OSTN: variants seen among roughly 807,000 people sequenced by gnomAD.
OSTN encodes osteocrin.
Under a neutral mutation model 12.0 loss-of-function variants are expected in OSTN, and 9 were observed. The ratio of observed to expected loss-of-function variants is 0.75; its 90% CI spans 0.45 to 1.30. The LOEUF (loss-of-function observed/expected upper bound fraction) is 1.30. Among genes scored for constraint, OSTN ranks in the 50% most tolerant of loss-of-function variants. OSTN has a pLI of 0.00. For missense variants in OSTN, 148 were observed against 152.3 expected (o/e 0.97, Z 0.15); for synonymous variants, 59 against 56.9 (o/e 1.04, Z -0.16).
chr3:191,245,760 A>G (rs2108549442), intron 3 of OSTN, among the ~76,000 whole-genome samples: 1 of 152,228 alleles, frequency 6.6e-6, no homozygotes. Context: ...TTTTAATCAT[A>G]CGTATCTCGA....
chr3:191,241,513 G>C (rs115699331), intron 3 of OSTN, among the ~76,000 whole-genome samples: 5,727 of 152,116 alleles, frequency 0.038, 353 homozygotes, highest in African/African-American at 0.13. Flanking sequence ...AGGAGGACTA[G>C]CATTTTAGTG....
At chr3:191,209,860 C>T (rs1714373067) in intron 1 of OSTN, among the ~76,000 whole-genome samples, 1 of 152,114 alleles carries the variant, frequency 6.6e-6, no homozygotes, top group Non-Finnish European at 1.5e-5. Context: ...TTGAAGACAT[C>T]CTAGGCCTAA....
chr3:191,249,193 G>A (rs1715504431), intron 3 of OSTN, among the ~76,000 whole-genome samples: 1 of 152,126 alleles, frequency 6.6e-6, no homozygotes, highest in African/African-American at 2.4e-5. Flanking sequence ...TCTCCCTGCT[G>A]TCTCTTTCTT....
At chr3:191,207,106 G>A (rs1232750404) in intron 1 of OSTN, among the ~76,000 whole-genome samples, 4 of 152,160 alleles carry the variant, frequency 2.6e-5, no homozygotes, top group South Asian at 2.1e-4. Flanking sequence ...GCTCTGTCGC[G>A]GTGAGAAGAG....
chr3:191,229,172 CGTTTGAAGAGATTAGAA>C, intron 3 of OSTN, among the ~76,000 whole-genome samples: 1 of 152,090 alleles, frequency 6.6e-6, no homozygotes. Flanking sequence ...TAAATTACAG[CGTTTGAAGAGATTAGAA>C]AGGAGATGGA....
intron 3 of OSTN, among the ~76,000 whole-genome samples, chr3:191,232,689 C>T (rs948387942): frequency 5.4e-5 from 8 of 149,262 alleles, no homozygotes; most frequent in African/African-American, 1.2e-4. Flanking sequence ...CTCCCTCCAC[C>T]TCCCAGTTTC....
At chr3:191,226,608 C>A (rs1052795508) in intron 3 of OSTN, among the ~76,000 whole-genome samples, 49 of 152,070 alleles carry the variant, frequency 3.2e-4, no homozygotes, top group Non-Finnish European at 1.9e-4. Context: ...GCTGGCATAG[C>A]CACAAAAACT....
intron 3 of OSTN, among the ~76,000 whole-genome samples, chr3:191,232,156 T>C (rs1204818380): frequency 6.6e-6 from 1 of 151,022 alleles, no homozygotes; most frequent in Non-Finnish European, 1.5e-5. Context: ...CGTGGTGAAA[T>C]CCCGTCTCTA....
At chr3:191,259,884 CT>C (rs1433547365) in intron 4 of OSTN, among the ~76,000 whole-genome samples, 1 of 135,546 alleles carries the variant, frequency 7.4e-6, no homozygotes, top group African/African-American at 2.8e-5. Context: ...GAGACAGAGT[CT>C]CACTCTGTCA....
intron 1 of OSTN, among the ~76,000 whole-genome samples, chr3:191,206,888 G>A (rs1714288870): frequency 6.6e-6 from 1 of 152,154 alleles, no homozygotes; most frequent in African/African-American, 2.4e-5. Context: ...TAACTTAATG[G>A]AGTGGGTAAA....
At chr3:191,199,338 T>G (rs2108585987) in intron 1 of OSTN, 31 bp downstream of exon 1, 1 of 152,216 alleles carries the variant, frequency 6.6e-6, no homozygotes, top group Non-Finnish European at 1.5e-5. Context: ...GATAAAGATT[T>G]AATGCTTCTT....
chr3:191,242,437 A>G (rs1715342112), intron 3 of OSTN, among the ~76,000 whole-genome samples: 1 of 152,222 alleles, frequency 6.6e-6, no homozygotes, highest in South Asian at 2.1e-4. Context: ...TCAAAGCAGC[A>G]ATAGGATTTC....
intron 4 of OSTN, among the ~76,000 whole-genome samples, chr3:191,260,829 AAGAC>A (rs1715792249): frequency 6.6e-6 from 1 of 152,206 alleles, no homozygotes; most frequent in African/African-American, 2.4e-5. Flanking sequence ...ACAACACAGA[AAGAC>A]AGAGACAAAG....
intron 3 of OSTN, among the ~76,000 whole-genome samples, chr3:191,224,853 T>C (rs1181986551): frequency 6.6e-6 from 1 of 151,656 alleles, no homozygotes; most frequent in Non-Finnish European, 1.5e-5. Flanking sequence ...GAAAAGAAAA[T>C]ATTAGATACA....
chr3:191,239,410 C>CCCTGCCTCTAGACCCTATTTT (rs1168958005), intron 3 of OSTN, among the ~76,000 whole-genome samples: 131 of 152,184 alleles, frequency 8.6e-4, no homozygotes, highest in Non-Finnish European at 1.7e-3. Flanking sequence ...GACTTATGTT[C>CCCTGCCTCTAGACCCTATTTT]CCTGCCTCTA....
At chr3:191,232,906 C>G (rs115161498) in intron 3 of OSTN, among the ~76,000 whole-genome samples, 1,563 of 152,160 alleles carry the variant, frequency 0.01, 21 homozygotes, top group African/African-American at 0.03. Flanking sequence ...TGAGCCACTG[C>G]GTTCGGTCAT....
intron 2 of OSTN, among the ~76,000 whole-genome samples, chr3:191,217,787 G>A (rs1714655571): frequency 6.6e-6 from 1 of 152,104 alleles, no homozygotes; most frequent in African/African-American, 2.4e-5. Context: ...GGATAGAGAT[G>A]GTGAGATGCT....
In OSTN at chr3:191,265,450, G is replaced by T. The variant is rs1018953478; in HGVS notation, c.*2597G>T. On this transcript the variant is annotated 3_prime_UTR_variant, in exon 5 of 5. Transcript: ENST00000682035. Reference sequence around the variant, plus strand: ...CCTTTAACCTGTTCATAGCTTTAGGGAATTAAGTTTCTTAAACCAAATTAT... The same window carrying T: ...CCTTTAACCTGTTCATAGCTTTAGGTAATTAAGTTTCTTAAACCAAATTAT... 2 of 152,128 alleles carry T rather than the reference G, an allele frequency of 1.3e-5. No individual in the cohort carries two copies. The highest frequency in any genetic ancestry group is 4.8e-5 in the African/African-American group (2 of 41,452). 9.4% of individuals were successfully genotyped at this position (152,128 alleles called of 1,614,324 possible).
rs148417658 is a variant in OSTN at position 191,218,899 on chromosome 3, T to C, written c.255T>C (p.Ser85=). 63 of 1,614,130 alleles carry C rather than the reference T, an allele frequency of 3.9e-5. No homozygotes were observed. The African/African-American group carries it at 7.5e-4, about 19-fold the overall frequency. ...AGACAAAGAAGAAAAGGAGTTTCTCTGGTTTTGGGTCTCCCCTTGACAGAC... is the reference window on the plus strand; with the variant it reads ...AGACAAAGAAGAAAAGGAGTTTCTCCGGTTTTGGGTCTCCCCTTGACAGAC... The part of the protein sequence containing the change: ...VIETKKKRSF[S]GFGSPLDRLS... The change falls in exon 3 of 5, where the codon TCT becomes TCC. Residue 85 remains serine, a synonymous_variant. Coordinates refer to ENST00000682035, the MANE Select transcript of OSTN (RefSeq NM_198184.2).
Sources: allele counts gnomAD v4.1 joint callset (sites outside exome capture counted in the v4.1 genomes callset), GRCh38; gene constraint gnomAD v4.1.1; transcripts MANE v1.5; gene names NCBI Gene and HGNC (gene_info 2026-07-23, HGNC 2026-07-21).